Variants in TLN2 observed in about 807,000 individuals in gnomAD.
The protein encoded by TLN2 is talin-2.
A neutral mutation model predicts 294.7 loss-of-function variants in TLN2; 118 were observed. The observed-to-expected ratio is 0.40, with a 90% CI of 0.34 to 0.47. The LOEUF (loss-of-function observed/expected upper bound fraction) is 0.47, where lower values mean the gene tolerates loss of function less well. TLN2 is among the 20% of genes least tolerant of loss of function. The pLI is 0.84. For synonymous variants in TLN2, 1,431 were observed against 1,304.5 expected (o/e 1.10, Z -2.09); for missense variants, 3,083 against 3,282.2 (o/e 0.94, Z 1.48).
At chr15:62,398,261 C>T (rs2032726584) in intron 1 of TLN2, among the ~76,000 whole-genome samples, 5 of 152,194 alleles carry the variant, frequency 3.3e-5, no homozygotes, top group Admixed American at 3.3e-4. Context: ...GCACTTCTCT[C>T]TCCTGCCGTC....
At chr15:62,547,351 T>C (rs1030984149) in intron 1 of TLN2, among the ~76,000 whole-genome samples, 3 of 152,224 alleles carry the variant, frequency 2.0e-5, no homozygotes, top group Admixed American at 2.0e-4. Flanking sequence ...TGTGGCTACG[T>C]TGACATCTTT....
Position 62,698,740 on chromosome 15 carries a change from A to T in TLN2, c.1474-14A>T, listed in dbSNP as rs1257093681. On this transcript the variant is annotated splice_polypyrimidine_tract_variant and intron_variant, in intron 15 of 58. Transcript: ENST00000636159. Reference sequence around the variant, plus strand: ...GCGTGTGGGATGACAGCTTTGTTTCATTTGCCTTTGCAGACCTCAGCCCAG... The same window carrying T: ...GCGTGTGGGATGACAGCTTTGTTTCTTTTGCCTTTGCAGACCTCAGCCCAG... 6.2e-7 allele frequency: 1 copy of T among 1,605,592 alleles called. No homozygotes were observed. Among genetic ancestry groups the T allele is most frequent in the Admixed American group, 1.7e-5 (1 of 60,004 alleles).
chr15:62,582,219 C>CACACACACACATACAT (rs775417532), intron 1 of TLN2, among the ~76,000 whole-genome samples: 1 of 135,312 alleles, frequency 7.4e-6, no homozygotes. Context: ...CACACACACA[C>CACACACACACATACAT]ACACACACAC....
intron 32 of TLN2, among the ~76,000 whole-genome samples, chr15:62,747,398 T>C (rs753523440): frequency 2.0e-5 from 3 of 152,246 alleles, no homozygotes; most frequent in Non-Finnish European, 4.4e-5. Flanking sequence ...TGAATAATTT[T>C]GTGGTCGCTT....
intron 1 of TLN2, among the ~76,000 whole-genome samples, chr15:62,434,653 C>T (rs529853214): frequency 3.9e-5 from 6 of 152,156 alleles, no homozygotes; most frequent in Non-Finnish European, 8.8e-5. Flanking sequence ...GTGCCTGTTC[C>T]CAGGAGTCCT....
intron 1 of TLN2, among the ~76,000 whole-genome samples, chr15:62,417,596 C>G (rs1187937396): frequency 6.6e-6 from 1 of 152,182 alleles, no homozygotes; most frequent in Non-Finnish European, 1.5e-5. Flanking sequence ...AGTCAGCCGT[C>G]CTGTGGGAAC....
At chr15:62,811,663 A>G (rs1486860706) in intron 52 of TLN2, among the ~76,000 whole-genome samples, 1 of 152,146 alleles carries the variant, frequency 6.6e-6, no homozygotes, top group African/African-American at 2.4e-5. Flanking sequence ...TTAAGGATGA[A>G]ATGAGCATGT....
chr15:62,759,934 C>T (rs913099065), intron 37 of TLN2, among the ~76,000 whole-genome samples: 1 of 152,234 alleles, frequency 6.6e-6, no homozygotes, highest in Admixed American at 6.5e-5. Flanking sequence ...AAACCCCGAC[C>T]TCCAGGGATC....
intron 1 of TLN2, among the ~76,000 whole-genome samples, chr15:62,564,917 A>ATATATATAT (rs1262371986): frequency 1.6e-5 from 2 of 124,656 alleles, no homozygotes; most frequent in African/African-American, 6.2e-5. Flanking sequence ...AAAAAAAAAA[A>ATATATATAT]AAAAAAAAAT....
intron 51 of TLN2, among the ~76,000 whole-genome samples, chr15:62,808,470 G>C (rs2066447929): frequency 6.6e-6 from 1 of 152,118 alleles, no homozygotes; most frequent in Admixed American, 6.5e-5. Flanking sequence ...ATTTCCTTAG[G>C]CAAGATTCCT....
intron 28 of TLN2, among the ~76,000 whole-genome samples, 196 bp from the exon 29 acceptor site, chr15:62,736,682 C>A (rs1043424003): frequency 6.6e-6 from 1 of 152,184 alleles, no homozygotes; most frequent in East Asian, 1.9e-4. Context: ...TAATGTGTCT[C>A]TTGGTTTGGC....
intron 1 of TLN2, among the ~76,000 whole-genome samples, chr15:62,441,731 A>G (rs985272261): frequency 2.0e-5 from 3 of 152,206 alleles, no homozygotes; most frequent in African/African-American, 7.2e-5. Context: ...CTGCTGGGAA[A>G]GGGAGAGGGG....
At chr15:62,584,531 C>G (rs1331292774) in intron 1 of TLN2, among the ~76,000 whole-genome samples, 1 of 152,214 alleles carries the variant, frequency 6.6e-6, no homozygotes, top group African/African-American at 2.4e-5. Context: ...GGCCCAACCC[C>G]CAGCCTCTAG....
At chr15:62,467,960 TG>T (rs2037238643) in intron 1 of TLN2, among the ~76,000 whole-genome samples, 1 of 152,170 alleles carries the variant, frequency 6.6e-6, no homozygotes, top group Admixed American at 6.5e-5. Flanking sequence ...GGCATAGTCT[TG>T]GGTAAGTTCA....
At position 62,719,761 on chromosome 15, in the gene TLN2, C is replaced by T. The variant is rs759711047; in HGVS notation, c.2878-6C>T. The T allele has an allele frequency of 1.3e-5, 21 of 1,593,128 alleles. No homozygotes were observed. The highest frequency in any genetic ancestry group is 1.7e-5 in the Admixed American group (1 of 57,666). ...CATGCTGTTTTTATTTCCTTGCCTTCTGCAGGCAGTGGCTGATCACATCCC... is the reference window on the plus strand; with the variant it reads ...CATGCTGTTTTTATTTCCTTGCCTTTTGCAGGCAGTGGCTGATCACATCCC... On this transcript the variant is annotated splice_region_variant and splice_polypyrimidine_tract_variant and intron_variant, in intron 24 of 58. Coordinates refer to ENST00000636159, the MANE Select transcript of TLN2 (RefSeq NM_015059.3).
At chr15:62,703,531 T>A (rs1355588329) in intron 19 of TLN2, among the ~76,000 whole-genome samples, 1 of 152,076 alleles carries the variant, frequency 6.6e-6, no homozygotes, top group Admixed American at 6.5e-5. Context: ...AGTCTTACTT[T>A]ATCTGTTCAG....
At chr15:62,767,476 G>C in intron 41 of TLN2, among the ~76,000 whole-genome samples, 1 of 151,942 alleles carries the variant, frequency 6.6e-6, no homozygotes, top group South Asian at 2.1e-4. Context: ...CGAGTAGCTG[G>C]GATTATAGGC....
At chr15:62,457,864 G>T (rs77201765) in intron 1 of TLN2, among the ~76,000 whole-genome samples, 262 of 152,316 alleles carry the variant, frequency 1.7e-3, no homozygotes, top group African/African-American at 6.1e-3. Context: ...ACCTCCTGCT[G>T]TGAGCACCTA....
chr15:62,593,524 G>A (rs1567159759), intron 2 of TLN2, among the ~76,000 whole-genome samples: 1 of 152,140 alleles, frequency 6.6e-6, no homozygotes, highest in Non-Finnish European at 1.5e-5. Context: ...ACATTAAGAA[G>A]CCCCCCTGGA....
Sources: gnomAD v4.1 joint callset for allele counts (sites outside exome capture counted in the v4.1 genomes callset) on GRCh38, gnomAD v4.1.1 for gene constraint, MANE v1.5 for transcripts, NCBI Gene and HGNC (gene_info 2026-07-23, HGNC 2026-07-21) for gene names.